ASS1: variants seen among roughly 807,000 people sequenced by gnomAD.
ASS1 encodes the protein argininosuccinate synthase 1.
Under a neutral mutation model 60.5 loss-of-function variants are expected in ASS1, and 58 were observed. The ratio of observed to expected loss-of-function variants is 0.96; its 90% confidence interval spans 0.78 to 1.19. The LOEUF is 1.19. Among genes scored for constraint, ASS1 ranks in the 50% most tolerant of loss-of-function variants. ASS1 has a pLI of 0.00. For synonymous variants in ASS1, 200 were observed against 206.9 expected (o/e 0.97, Z 0.29); for missense variants, 454 against 547.3 (o/e 0.83, Z 1.70).
At chr9:130,493,963 T>C (rs1564162583) in intron 12 of ASS1, among the ~76,000 whole-genome samples, 1 of 152,148 alleles carries the variant, frequency 6.6e-6, no homozygotes, top group African/African-American at 2.4e-5. Context: ...AAGTTTATCA[T>C]AGGAAGCAGA....
intron 11 of ASS1, among the ~76,000 whole-genome samples, chr9:130,484,772 TGGAGA>T (rs1267521385): frequency 8.6e-5 from 13 of 150,648 alleles, no homozygotes; most frequent in African/African-American, 3.2e-4. Context: ...CCTACCCCTG[TGGAGA>T]GGAGAGGGAA....
intron 6 of ASS1, among the ~76,000 whole-genome samples, chr9:130,469,392 G>A (rs898199434): frequency 2.0e-5 from 3 of 152,034 alleles, no homozygotes; most frequent in African/African-American, 7.2e-5. Context: ...GGGGCCCTTA[G>A]TGATTTTTTC....
intron 1 of ASS1, among the ~76,000 whole-genome samples, chr9:130,450,619 T>C (rs924630790): frequency 6.6e-6 from 1 of 152,104 alleles, no homozygotes; most frequent in East Asian, 1.9e-4. Context: ...GACTGGCAGG[T>C]GGGACCGTGC....
At chr9:130,471,348 G>C in intron 7 of ASS1, 137 bp from the exon 8 acceptor site, 1 of 1,077,536 alleles carries the variant, frequency 9.3e-7, no homozygotes, top group Non-Finnish European at 1.4e-6. Context: ...AATGTTTCAG[G>C]CAGGTTGGCA....
At chr9:130,490,135 CAGGTGAGGAG>C (rs1481419865) in intron 12 of ASS1, among the ~76,000 whole-genome samples, 5 of 152,224 alleles carry the variant, frequency 3.3e-5, no homozygotes, top group African/African-American at 1.2e-4. Flanking sequence ...CCCCGTTTTG[CAGGTGAGGAG>C]CCCGGGTTTC....
At chr9:130,445,374 G>A (rs1161116610) in intron 1 of ASS1, among the ~76,000 whole-genome samples, 2 of 152,206 alleles carry the variant, frequency 1.3e-5, no homozygotes, top group Non-Finnish European at 2.9e-5. Context: ...TGGGGAGTCC[G>A]GAGCGTGTGG....
intron 11 of ASS1, among the ~76,000 whole-genome samples, chr9:130,486,052 T>A (rs1281863586): frequency 6.6e-6 from 1 of 152,138 alleles, no homozygotes; most frequent in Admixed American, 6.5e-5. Context: ...AGTGGTACGA[T>A]CATGACTCAC....
At chr9:130,472,138 G>T (rs1417743093) in intron 8 of ASS1, among the ~76,000 whole-genome samples, 2 of 152,172 alleles carry the variant, frequency 1.3e-5, no homozygotes, top group African/African-American at 4.8e-5. Flanking sequence ...CATGGGAAGA[G>T]AAAAATCTCT....
intron 3 of ASS1, among the ~76,000 whole-genome samples, chr9:130,457,486 A>T (rs565297268): frequency 1.2e-4 from 18 of 152,142 alleles, no homozygotes; most frequent in African/African-American, 4.3e-4. Context: ...AACAAAAAAA[A>T]AGTTTTCACT....
chr9:130,500,637 G>C (rs990443773), intron 14 of ASS1, among the ~76,000 whole-genome samples: 1 of 152,008 alleles, frequency 6.6e-6, no homozygotes, highest in Non-Finnish European at 1.5e-5. Context: ...CCTGCCTCCT[G>C]CGCCCTCTGT....
At chr9:130,495,708 A>G (rs1438275781) in intron 13 of ASS1, among the ~76,000 whole-genome samples, 2 of 152,032 alleles carry the variant, frequency 1.3e-5, no homozygotes, top group African/African-American at 2.4e-5. Context: ...GGATTTGAGT[A>G]GGTGGGAGGT....
rs2043190 is a variant in ASS1, at chr9:130,480,593, C to T, written c.838+144C>T. The T allele has an allele frequency of 0.46, 384,996 of 831,026 alleles. 93,914 individuals carry two copies. The highest frequency in any genetic ancestry group is 0.83 in the East Asian group (31,011 of 37,434). 51.5% of individuals were successfully genotyped at this position (831,026 alleles called of 1,614,324 possible). Reference sequence around the variant, plus strand: ...GTCCTTTCACCACACCCCGTGAGACCGCAGTTTCCCTCCTGCCAAGTGGGG... The same window carrying T: ...GTCCTTTCACCACACCCCGTGAGACTGCAGTTTCCCTCCTGCCAAGTGGGG... On this transcript the variant is annotated intron_variant, in intron 11 of 14. Coordinates refer to ENST00000352480, the MANE Select transcript of ASS1 (RefSeq NM_054012.4).
chr9:130,476,796 T>G lies in ASS1; in HGVS notation c.598-75T>G, dbSNP rs1001722978. ...AATGGACAGAGGAGAGGGGTGCAGATCCCCGCGGGAGGTGGGCTGTAGGGT... is the reference window on the plus strand; with the variant it reads ...AATGGACAGAGGAGAGGGGTGCAGAGCCCCGCGGGAGGTGGGCTGTAGGGT... On this transcript the variant is annotated intron_variant, in intron 8 of 14. Coordinates refer to ENST00000352480, the MANE Select transcript of ASS1 (RefSeq NM_054012.4). This position sits in a 1 kb window ranked among gnomAD's most constrained non-coding sequence, Gnocchi z 4.9. 5.8e-6 allele frequency: 8 copies of G among 1,368,288 alleles called. No individual in the cohort carries two copies. The highest frequency in any genetic ancestry group is 6.3e-6 in the Non-Finnish European group (6 of 957,986). The allele number at this position is 1,368,288 out of a possible 1,614,324, so 84.8% of individuals were successfully genotyped here.
chr9:130,495,581 G>A (rs182781925), intron 13 of ASS1, among the ~76,000 whole-genome samples: 1 of 151,868 alleles, frequency 6.6e-6, no homozygotes, highest in Non-Finnish European at 1.5e-5. Context: ...CAGGTGAATG[G>A]GGGGAGGGGT....
chr9:130,451,941 G>A, intron 1 of ASS1: 1 of 596,284 alleles, frequency 1.7e-6, no homozygotes, highest in Non-Finnish European at 3.2e-6. Flanking sequence ...CTCGATGCTG[G>A]AGGATCAGGT....
At chr9:130,446,304 T>A (rs1203552042) in intron 1 of ASS1, among the ~76,000 whole-genome samples, 1 of 152,086 alleles carries the variant, frequency 6.6e-6, no homozygotes, top group East Asian at 1.9e-4. Flanking sequence ...TAGGTTCTGA[T>A]GAGAGGGAGG....
chr9:130,465,221 A>T (rs1287862372), intron 5 of ASS1, among the ~76,000 whole-genome samples: 1 of 151,790 alleles, frequency 6.6e-6, no homozygotes, highest in Non-Finnish European at 1.5e-5. Flanking sequence ...GGGTTTCAGC[A>T]TTTTGGCCAG....
intron 1 of ASS1, among the ~76,000 whole-genome samples, chr9:130,447,598 A>G (rs1191639841): frequency 1.3e-5 from 2 of 151,972 alleles, no homozygotes; most frequent in African/African-American, 4.8e-5. Context: ...CCGGGGAAGG[A>G]GGGCTGGAGG....
intron 7 of ASS1, among the ~76,000 whole-genome samples, chr9:130,471,115 G>A (rs984594719): frequency 6.6e-6 from 1 of 152,162 alleles, no homozygotes; most frequent in African/African-American, 2.4e-5. Context: ...GATAGATCAT[G>A]GGGACCCGGC....
Sources: gnomAD v4.1 joint callset for allele counts (sites outside exome capture counted in the v4.1 genomes callset) on GRCh38, gnomAD v4.1.1 for gene constraint, Gnocchi (gnomAD v3.1) non-coding constraint, MANE v1.5 for transcripts, NCBI Gene and HGNC (gene_info 2026-07-23, HGNC 2026-07-21) for gene names.